CCDC73: variants seen among roughly 807,000 people sequenced by gnomAD.
The protein encoded by CCDC73 is coiled-coil domain-containing protein 73.
Under a neutral mutation model 116.5 loss-of-function variants are expected in CCDC73, and 95 were observed. That is an observed-to-expected ratio of 0.82 (90% CI 0.69 to 0.97). The LOEUF (loss-of-function observed/expected upper bound fraction) is 0.97. CCDC73 is among the 50% of genes least tolerant of loss of function. CCDC73 has a pLI of 0.00. For missense variants in CCDC73, 1,066 were observed against 1,206.8 expected (o/e 0.88, Z 1.73); for synonymous variants, 398 against 401.3 (o/e 0.99, Z 0.10).
chr11:32,619,816 AAGG>A (rs1855507375), intron 14 of CCDC73, among the ~76,000 whole-genome samples: 2 of 144,870 alleles, frequency 1.4e-5, no homozygotes, highest in South Asian at 2.4e-4. Flanking sequence ...GGAGGTGAAG[AAGG>A]AGAAGGAGAA....
At position 32,743,281 on chromosome 11, in the gene CCDC73, C is replaced by G. The variant is rs143701617; in HGVS notation, c.135+16828G>C. On this transcript the variant is annotated intron_variant, in intron 2 of 17. Coordinates refer to ENST00000335185, the MANE Select transcript of CCDC73 (RefSeq NM_001008391.4). ...TTTTCAGAATATTGATTCTTCCTAT[C>G]CATGAGCATGTAAAAGAATAGAAAT... 2.6e-5 allele frequency among the ~76,000 whole-genome samples: 4 copies of G among 152,290 alleles called. No individual in the cohort carries two copies. In the East Asian group the frequency reaches 7.7e-4, roughly 29 times the overall value.
chr11:32,751,987 T>C (rs1417954502), intron 2 of CCDC73, among the ~76,000 whole-genome samples: 1 of 152,242 alleles, frequency 6.6e-6, no homozygotes, highest in Non-Finnish European at 1.5e-5. Flanking sequence ...AGCATTTATA[T>C]GGTAGCTTGG....
intron 1 of CCDC73, among the ~76,000 whole-genome samples, chr11:32,785,808 C>T (rs1850622460): frequency 8.2e-6 from 1 of 121,786 alleles, no homozygotes; most frequent in South Asian, 3.0e-4. Flanking sequence ...GAATCCACAA[C>T]AGATATGGAT....
At chr11:32,798,191 C>T (rs1850739185), upstream of CCDC73, among the ~76,000 whole-genome samples, 2 of 152,238 alleles carry the variant, frequency 1.3e-5, no homozygotes, top group South Asian at 4.1e-4. Context: ...GGAGAAAGGA[C>T]ACCCAACCTG....
the CCDC73 span, among the ~76,000 whole-genome samples, chr11:32,811,289 T>A: frequency 6.6e-6 from 1 of 152,196 alleles, no homozygotes; most frequent in African/African-American, 2.4e-5. Flanking sequence ...TGCTTATCCT[T>A]ATAGTTTTAT....
At chr11:32,607,231 T>A (rs886312567) in intron 17 of CCDC73, among the ~76,000 whole-genome samples, 1 of 148,754 alleles carries the variant, frequency 6.7e-6, no homozygotes, top group African/African-American at 2.5e-5. Context: ...TAGCTGGGAC[T>A]ACAGGCGCCC....
At chr11:32,734,364 C>G (rs1468881814) in intron 2 of CCDC73, among the ~76,000 whole-genome samples, 1 of 151,566 alleles carries the variant, frequency 6.6e-6, no homozygotes, top group Non-Finnish European at 1.5e-5. Context: ...TGGTACCATT[C>G]TTTCTGAAAC....
intron 2 of CCDC73, among the ~76,000 whole-genome samples, chr11:32,734,746 T>C (rs1451660954): frequency 2.0e-5 from 3 of 152,174 alleles, no homozygotes; most frequent in Non-Finnish European, 2.9e-5. Context: ...ATACTCCTGA[T>C]GAACATTGAT....
At chr11:32,641,647 T>C (rs1284243719) in intron 13 of CCDC73, among the ~76,000 whole-genome samples, 1 of 151,516 alleles carries the variant, frequency 6.6e-6, no homozygotes, top group Non-Finnish European at 1.5e-5. Flanking sequence ...TATGCAATGG[T>C]TTTATGAAAA....
chr11:32,666,451 C>G (rs1179127741), intron 9 of CCDC73, among the ~76,000 whole-genome samples: 1 of 152,206 alleles, frequency 6.6e-6, no homozygotes, highest in Non-Finnish European at 1.5e-5. Flanking sequence ...TTAATCGAAT[C>G]GGCTACTGAA....
Position 32,664,281 on chromosome 11 carries a change from T to A in CCDC73, c.646-9309A>T, listed in dbSNP as rs533736008. 1.9e-4 allele frequency among the ~76,000 whole-genome samples: 29 copies of A among 152,326 alleles called. No homozygotes were observed. The South Asian group carries it at 4.6e-3, about 24-fold the overall frequency. ...TACCAGCTCCTCCTTGTACCTCCGGTAGAATTTGGCTGTGAATCTGTCTGG... is the reference window on the plus strand; with the variant it reads ...TACCAGCTCCTCCTTGTACCTCCGGAAGAATTTGGCTGTGAATCTGTCTGG... On this transcript the variant is annotated intron_variant, in intron 9 of 17. Coordinates refer to ENST00000335185, the MANE Select transcript of CCDC73 (RefSeq NM_001008391.4).
At chr11:32,737,968 T>A (rs1398408963) in intron 2 of CCDC73, among the ~76,000 whole-genome samples, 2 of 152,190 alleles carry the variant, frequency 1.3e-5, no homozygotes, top group East Asian at 3.9e-4. Flanking sequence ...GTGCCTGGCT[T>A]ATTTCACTTA....
chr11:32,761,351 G>A (rs1850390386), intron 1 of CCDC73, among the ~76,000 whole-genome samples: 1 of 152,080 alleles, frequency 6.6e-6, no homozygotes, highest in African/African-American at 2.4e-5. Context: ...TAACATTTTA[G>A]TAGTTTCCAG....
intron 3 of CCDC73, among the ~76,000 whole-genome samples, chr11:32,706,544 T>G: frequency 6.6e-6 from 1 of 152,266 alleles, no homozygotes; most frequent in South Asian, 2.1e-4. Flanking sequence ...AGAAAAATAA[T>G]TGTCATGGTC....
intron 9 of CCDC73, among the ~76,000 whole-genome samples, chr11:32,658,016 G>A (rs1590573842): frequency 9.7e-6 from 1 of 103,278 alleles, no homozygotes; most frequent in Admixed American, 1.1e-4. Flanking sequence ...CCCTACCCTA[G>A]TCTCTTTAAA....
intron 2 of CCDC73, among the ~76,000 whole-genome samples, chr11:32,745,000 G>A (rs545763732): frequency 1.3e-5 from 2 of 152,204 alleles, no homozygotes; most frequent in Admixed American, 6.5e-5. Flanking sequence ...TGATGTTAGG[G>A]TGTCAATTTT....
intron 13 of CCDC73, among the ~76,000 whole-genome samples, chr11:32,637,176 C>A (rs1160404252): frequency 1.3e-5 from 2 of 151,904 alleles, no homozygotes; most frequent in African/African-American, 4.8e-5. Flanking sequence ...TGCACCACCA[C>A]GCCCAGCTAA....
intron 1 of CCDC73, among the ~76,000 whole-genome samples, chr11:32,775,189 T>C (rs1187400725): frequency 2.0e-5 from 3 of 152,202 alleles, no homozygotes; most frequent in Non-Finnish European, 2.9e-5. Flanking sequence ...GCCACTGTTG[T>C]ATCCCCCAGA....
chr11:32,800,311 G>C, the CCDC73 span, among the ~76,000 whole-genome samples: 1 of 151,724 alleles, frequency 6.6e-6, no homozygotes, highest in East Asian at 1.9e-4. Flanking sequence ...CCTTATTTTA[G>C]ATATAATGTA....
Sources: gnomAD v4.1 joint callset for allele counts (sites outside exome capture counted in the v4.1 genomes callset) on GRCh38, gnomAD v4.1.1 for gene constraint, MANE v1.5 for transcripts, NCBI Gene and HGNC (gene_info 2026-07-23, HGNC 2026-07-21) for gene names.